Variants in IGSF10 observed in about 807,000 individuals in gnomAD.
IGSF10 encodes the protein immunoglobulin superfamily member 10.
In IGSF10, 126 loss-of-function variants were observed where a neutral mutation model predicts 128.2. The ratio of observed to expected loss-of-function variants is 0.98; its 90% CI spans 0.85 to 1.14. IGSF10 has a LOEUF of 1.14. Ranked by LOEUF, IGSF10 falls within the 50% of genes most tolerant of loss-of-function variation. The pLI is 0.00. For synonymous variants in IGSF10, 1,185 were observed against 1,146.2 expected (o/e 1.03, Z -0.68); for missense variants, 3,295 against 3,149.8 (o/e 1.05, Z -1.10).
Position 151,447,391 on chromosome 3 carries a change from C to A in IGSF10, c.2590G>T (p.Ala864Ser). The part of the protein sequence containing the change: ...EEPTDFKLST[A>S]IKTTAMSKNI... ...TTTGACATGGCTGTAGTTTTAATAGCAGTAGACAGTTTGAAATCTGTGGGT... is the reference window on the plus strand; with the variant it reads ...TTTGACATGGCTGTAGTTTTAATAGAAGTAGACAGTTTGAAATCTGTGGGT... Residue 864 changes from alanine (A) to serine (S), a missense_variant, in exon 6 of 8, where the codon GCT becomes TCT. Transcript: ENST00000282466. 6.2e-7 allele frequency: 1 copy of A among 1,614,082 alleles called. No individual in the cohort carries two copies. Among genetic ancestry groups the A allele is most frequent in the Non-Finnish European group, 8.5e-7 (1 of 1,179,944 alleles).
At chr3:151,484,271 G>A in the IGSF10 span, among the ~76,000 whole-genome samples, 2 of 152,138 alleles carry the variant, frequency 1.3e-5, no homozygotes, top group South Asian at 4.1e-4. Flanking sequence ...TCAGAGCTGG[G>A]CATCTCTGAA....
the IGSF10 span, among the ~76,000 whole-genome samples, chr3:151,495,461 T>C: frequency 6.6e-6 from 1 of 152,076 alleles, no homozygotes; most frequent in African/African-American, 2.4e-5. Flanking sequence ...TAAAAACATG[T>C]CAAGCTTAAT....
At chr3:151,564,649 T>G in the IGSF10 span, among the ~76,000 whole-genome samples, 1 of 152,168 alleles carries the variant, frequency 6.6e-6, no homozygotes, top group African/African-American at 2.4e-5. Context: ...TTTACCAGTT[T>G]GCTTTGCTTG....
At chr3:151,552,963 A>G in the IGSF10 span, among the ~76,000 whole-genome samples, 1 of 152,178 alleles carries the variant, frequency 6.6e-6, no homozygotes. Flanking sequence ...ATCCATGTCT[A>G]TGAATCCAAG....
chr3:151,488,413 T>G, the IGSF10 span, among the ~76,000 whole-genome samples: 1 of 152,156 alleles, frequency 6.6e-6, no homozygotes, highest in Non-Finnish European at 1.5e-5. Context: ...AATTTATAGA[T>G]TCAATGCTAT....
chr3:151,559,901 A>AAT, the IGSF10 span, among the ~76,000 whole-genome samples: 1 of 152,102 alleles, frequency 6.6e-6, no homozygotes, highest in African/African-American at 2.4e-5. Context: ...ATCTGTCTGA[A>AAT]ATATGGGATT....
Position 151,453,737 on chromosome 3 carries a change from T to G in IGSF10, c.362A>C (p.Gln121Pro). The change falls in exon 5 of 8, where the codon CAG becomes CCG. Residue 121 changes from glutamine (Q) to proline (P), a missense_variant. Coordinates refer to ENST00000282466, the MANE Select transcript of IGSF10 (RefSeq NM_178822.5). Reference protein sequence around the residue: ...KMSYNKVRKLQKDTFYGLRSL... With the variant: ...KMSYNKVRKLPKDTFYGLRSL... The stretch of plus-strand genomic sequence containing the variant: ...CCTGAGGCCATAAAAAGTATCTTTC[T>G]GAAGTTTTCGGACTTTATTATAGCT... The G allele has an allele frequency of 6.3e-7, 1 of 1,588,760 alleles. No individual in the cohort carries two copies. Among genetic ancestry groups the G allele is most frequent in the African/African-American group, 1.4e-5 (1 of 73,736 alleles).
upstream of IGSF10, among the ~76,000 whole-genome samples, chr3:151,463,547 T>TTG (rs1722161475): frequency 1.5e-4 from 17 of 110,200 alleles, 1 homozygote; most frequent in East Asian, 7.2e-4. Flanking sequence ...TTTTTTTTTT[T>TTG]TTTTTTTTTT....
At chr3:151,571,967 A>G in the IGSF10 span, among the ~76,000 whole-genome samples, 4 of 152,174 alleles carry the variant, frequency 2.6e-5, no homozygotes, top group South Asian at 6.2e-4. Context: ...TTCTGCATCT[A>G]TTGAGATAAT....
intron 2 of IGSF10, 44 bp downstream of exon 2, chr3:151,460,217 C>G (rs901450728): frequency 1.2e-5 from 7 of 562,616 alleles, no homozygotes; most frequent in Admixed American, 6.4e-5. Flanking sequence ...TTCTCACAAA[C>G]GTAAGGCTGA....
the IGSF10 span, among the ~76,000 whole-genome samples, chr3:151,515,047 A>C: frequency 6.6e-6 from 1 of 152,110 alleles, no homozygotes; most frequent in Non-Finnish European, 1.5e-5. Context: ...AACCATTGTG[A>C]AAGTCAGTGT....
At chr3:151,604,889 T>C in the IGSF10 span, among the ~76,000 whole-genome samples, 1 of 152,304 alleles carries the variant, frequency 6.6e-6, no homozygotes, top group Middle Eastern at 3.4e-3. Flanking sequence ...ATTTTTGTCA[T>C]ACAATCAATA....
At chr3:151,606,300 G>A in the IGSF10 span, among the ~76,000 whole-genome samples, 1 of 152,240 alleles carries the variant, frequency 6.6e-6, no homozygotes. Flanking sequence ...CCTAATTAAT[G>A]AAGCTATTAA....
At chr3:151,434,041 TTTTAGA>T (rs1719820068), downstream of IGSF10, 2 of 152,618 alleles carry the variant, frequency 1.3e-5, no homozygotes, top group Admixed American at 6.5e-5. Context: ...TATAATATTT[TTTTAGA>T]TTTAGATGCA....
the IGSF10 span, among the ~76,000 whole-genome samples, chr3:151,603,366 CAT>C: frequency 6.6e-6 from 1 of 152,166 alleles, no homozygotes; most frequent in Non-Finnish European, 1.5e-5. Flanking sequence ...GATGAGAAAA[CAT>C]ATGAAAAGAT....
At chr3:151,618,547 A>G in the IGSF10 span, among the ~76,000 whole-genome samples, 4 of 151,768 alleles carry the variant, frequency 2.6e-5, no homozygotes, top group Non-Finnish European at 4.4e-5. Context: ...TGGCTAACAC[A>G]GTGAAACCCC....
At chr3:151,536,258 T>G in the IGSF10 span, among the ~76,000 whole-genome samples, 1,492 of 152,232 alleles carry the variant, frequency 9.8e-3, 24 homozygotes, top group African/African-American at 0.035. Flanking sequence ...AGGTTGTCAC[T>G]TGGGCTGCGT....
In IGSF10 at chr3:151,437,202, A is replaced by C; in HGVS notation, c.7359T>G (p.His2453Gln). Residue 2453 changes from histidine (H) to glutamine (Q), a missense_variant, in exon 8 of 8, where the codon CAT becomes CAG. His to Gln is a conservative substitution (Grantham distance 24). Coordinates refer to ENST00000282466, the MANE Select transcript of IGSF10 (RefSeq NM_178822.5). Reference sequence around the variant, plus strand: ...GCTTAGGGATTCCATCAGACACACAATGCAGTGATAGAGATTCTCCACTGA... The same window carrying C: ...GCTTAGGGATTCCATCAGACACACACTGCAGTGATAGAGATTCTCCACTGA... The part of the protein sequence containing the change: ...KGISGESLSL[H>Q]CVSDGIPKPN... 1.2e-6 allele frequency: 2 copies of C among 1,614,190 alleles called. No individual in the cohort carries two copies. Among genetic ancestry groups the C allele is most frequent in the South Asian group, 1.1e-5 (1 of 91,076 alleles).
chr3:151,440,568 A>C (rs1560172891), intron 7 of IGSF10: 1 of 456,730 alleles, frequency 2.2e-6, no homozygotes, highest in East Asian at 6.9e-5. Context: ...GAGATTTAGC[A>C]ACTTGCCTTA....
Sources: gnomAD v4.1 joint callset for allele counts (sites outside exome capture counted in the v4.1 genomes callset) on GRCh38, gnomAD v4.1.1 for gene constraint, MANE v1.5 for transcripts, NCBI Gene and HGNC (gene_info 2026-07-23, HGNC 2026-07-21) for gene names.